HGD: variants seen among roughly 807,000 people sequenced by gnomAD.
HGD encodes homogentisate 1,2-dioxygenase.
A neutral mutation model predicts 60.8 loss-of-function variants in HGD; 61 were observed. The observed-to-expected ratio is 1.00, with a 90% CI of 0.82 to 1.24. HGD has a LOEUF of 1.24. Ranked by LOEUF, HGD falls within the 50% of genes most tolerant of loss-of-function variation. HGD has a pLI of 0.00. For synonymous variants in HGD, 212 were observed against 187.7 expected (o/e 1.13, Z -1.06); for missense variants, 542 against 547.1 (o/e 0.99, Z 0.09).
chr3:120,681,911 T>G (rs1223868213), intron 1 of HGD, among the ~76,000 whole-genome samples, 186 bp downstream of exon 1: 1 of 152,178 alleles, frequency 6.6e-6, no homozygotes. Flanking sequence ...TTTCTTTCCT[T>G]TATCACCTTT....
At chr3:120,647,802 G>T (rs1001504605) in intron 7 of HGD, 75 bp downstream of exon 7, 21 of 1,093,944 alleles carry the variant, frequency 1.9e-5, no homozygotes, top group Non-Finnish European at 3.0e-5. Flanking sequence ...GGAAAATAAT[G>T]TGTATAAAAT....
chr3:120,675,370 T>TAGAG (rs1708107674), intron 2 of HGD, among the ~76,000 whole-genome samples: 1 of 152,074 alleles, frequency 6.6e-6, no homozygotes, highest in Non-Finnish European at 1.5e-5. Flanking sequence ...TATGCTATGA[T>TAGAG]ACGGCCTGCA....
intron 13 of HGD, among the ~76,000 whole-genome samples, chr3:120,630,795 G>C (rs1400735414): frequency 1.8e-5 from 1 of 56,742 alleles, no homozygotes; most frequent in Non-Finnish European, 2.9e-5. Flanking sequence ...AAACTTAAGA[G>C]CTTTATATAT....
intron 1 of HGD, among the ~76,000 whole-genome samples, chr3:120,679,266 T>G (rs1003653578): frequency 6.6e-6 from 1 of 152,182 alleles, no homozygotes; most frequent in African/African-American, 2.4e-5. Flanking sequence ...TAACACCTGA[T>G]GAGATGAACA....
intron 4 of HGD, among the ~76,000 whole-genome samples, chr3:120,655,465 G>C (rs928843160): frequency 1.3e-5 from 2 of 152,196 alleles, no homozygotes; most frequent in Non-Finnish European, 2.9e-5. Context: ...GGCCCTGATG[G>C]CAGAAGATTA....
At chr3:120,657,821 GAGAGAGAGAGAGAGAGAA>G (rs1941542209) in intron 4 of HGD, among the ~76,000 whole-genome samples, 1 of 5,720 alleles carries the variant, frequency 1.7e-4, no homozygotes, top group East Asian at 0.12. Context: ...ACAGGAGTGA[GAGAGAGAGAGAGAGAGAA>G]AGAGAGAGAG....
chr3:120,653,151 C>A (rs1015337929), intron 4 of HGD, among the ~76,000 whole-genome samples: 3 of 152,162 alleles, frequency 2.0e-5, no homozygotes, highest in African/African-American at 7.2e-5. Flanking sequence ...AGAAAGAGCA[C>A]CCAGCTGAGA....
At chr3:120,674,840 G>T in intron 3 of HGD, 61 bp downstream of exon 3, 1 of 1,140,812 alleles carries the variant, frequency 8.8e-7, no homozygotes, top group Non-Finnish European at 1.3e-6. Context: ...GAAGGAGGCA[G>T]CACAAAGTCC....
chr3:120,635,182 T>A (rs973284401), intron 12 of HGD, among the ~76,000 whole-genome samples: 1 of 152,088 alleles, frequency 6.6e-6, no homozygotes, highest in Non-Finnish European at 1.5e-5. Flanking sequence ...CCTTTCTGAT[T>A]AAAGCTGAAT....
At chr3:120,645,294 G>A (rs140205901) in intron 9 of HGD, among the ~76,000 whole-genome samples, 12,783 of 152,230 alleles carry the variant, frequency 0.084, 729 homozygotes, top group Middle Eastern at 0.16. Context: ...GGCTCCAGCT[G>A]CCTCTTGCTG....
chr3:120,642,623 A>G (rs1941023756), intron 10 of HGD, among the ~76,000 whole-genome samples: 1 of 152,234 alleles, frequency 6.6e-6, no homozygotes, highest in Non-Finnish European at 1.5e-5. Context: ...TGACATCAAC[A>G]AATACACAGT....
rs1259371816 is a variant in HGD at position 120,644,795 on chromosome 3, C to T, written c.650-352G>A. On this transcript the variant is annotated intron_variant, in intron 9 of 13. Transcript: ENST00000283871. ...ATCTGATAGAACTCCAGAACTTTTT[C>T]TTTTGAAGGAACCCTTGAATATTCT... 2.0e-5 allele frequency among the ~76,000 whole-genome samples: 3 copies of T among 152,278 alleles called. No homozygotes were observed. In the East Asian group the frequency reaches 5.8e-4, roughly 29 times the overall value.
intron 4 of HGD, among the ~76,000 whole-genome samples, chr3:120,666,832 C>T (rs1260319761): frequency 6.6e-6 from 1 of 152,094 alleles, no homozygotes; most frequent in African/African-American, 2.4e-5. Context: ...ATTTTGATGC[C>T]TCTGTATTAA....
intron 6 of HGD, among the ~76,000 whole-genome samples, chr3:120,648,906 A>T (rs1941245947): frequency 6.6e-6 from 1 of 152,172 alleles, no homozygotes; most frequent in Non-Finnish European, 1.5e-5. Flanking sequence ...GCCTCAGAGA[A>T]GACTCAGAAC....
At chr3:120,672,957 GGTAGGTAGGTAGGTAC>G (rs1259739466) in intron 3 of HGD, among the ~76,000 whole-genome samples, 1 of 152,170 alleles carries the variant, frequency 6.6e-6, no homozygotes, top group Non-Finnish European at 1.5e-5. Context: ...ATCCCTGATA[GGTAGGTAGGTAGGTAC>G]GTAGGTAGGT....
intron 4 of HGD, among the ~76,000 whole-genome samples, chr3:120,659,937 AG>A (rs1488839112): frequency 3.0e-5 from 3 of 101,030 alleles, no homozygotes; most frequent in Non-Finnish European, 7.1e-5. Flanking sequence ...CAGGAGCAAG[AG>A]AGAGTGGGGG....
At chr3:120,677,421 C>T (rs1014669009) in intron 1 of HGD, among the ~76,000 whole-genome samples, 13 of 152,210 alleles carry the variant, frequency 8.5e-5, no homozygotes, top group South Asian at 2.1e-4. Flanking sequence ...CCTCCAGGTG[C>T]GCCTGTCTCT....
intron 3 of HGD, among the ~76,000 whole-genome samples, chr3:120,672,391 C>T (rs537027625): frequency 6.6e-6 from 1 of 152,112 alleles, no homozygotes; most frequent in African/African-American, 2.4e-5. Context: ...TAAGAGGGAC[C>T]CAAGTCCTTT....
chr3:120,651,138 C>T (rs952934096), intron 5 of HGD, among the ~76,000 whole-genome samples: 4 of 152,170 alleles, frequency 2.6e-5, no homozygotes, highest in Non-Finnish European at 5.9e-5. Flanking sequence ...CAGTTCATTA[C>T]TTGGTATTTT....
Sources: allele counts gnomAD v4.1 joint callset (sites outside exome capture counted in the v4.1 genomes callset), GRCh38; gene constraint gnomAD v4.1.1; transcripts MANE v1.5; gene names NCBI Gene and HGNC (gene_info 2026-07-23, HGNC 2026-07-21).